Variants in ANO2 observed in about 807,000 individuals in gnomAD.
ANO2 encodes the protein anoctamin 2.
ANO2 carries 101 observed loss-of-function variants against 124.2 expected under a neutral mutation model. That is an observed-to-expected ratio of 0.81 (90% CI 0.69 to 0.96). The LOEUF is 0.96. Ranked by LOEUF, ANO2 falls within the 40% of genes least tolerant of loss-of-function variation. ANO2 has a pLI of 0.00. For synonymous variants in ANO2, 486 were observed against 482.5 expected (o/e 1.01, Z -0.09); for missense variants, 1,293 against 1,274.5 (o/e 1.01, Z -0.22).
chr12:5,844,953 ATT>A (rs5796194), intron 4 of ANO2, among the ~76,000 whole-genome samples: 3,020 of 138,230 alleles, frequency 0.022, 29 homozygotes, highest in Middle Eastern at 0.058. Flanking sequence ...CAACCATGAA[ATT>A]TTTTTTTTTT....
At chr12:5,884,709 C>T (rs1464636692) in intron 3 of ANO2, among the ~76,000 whole-genome samples, 3 of 152,232 alleles carry the variant, frequency 2.0e-5, no homozygotes, top group Non-Finnish European at 4.4e-5. Context: ...TTGTTCAACT[C>T]ATGACCTAGG....
intron 14 of ANO2, among the ~76,000 whole-genome samples, chr12:5,693,413 G>C (rs1021629321): frequency 1.2e-4 from 18 of 152,074 alleles, no homozygotes; most frequent in African/African-American, 4.3e-4. Flanking sequence ...ACCTGAACCT[G>C]TCTCACCATC....
intron 22 of ANO2, 81 bp downstream of exon 22, chr12:5,577,874 G>C: frequency 1.4e-6 from 2 of 1,415,538 alleles, no homozygotes; most frequent in Non-Finnish European, 2.0e-6. Context: ...AGGTGCAAGG[G>C]CTGGCTTCCC....
chr12:5,753,216 T>C (rs1762568897), intron 10 of ANO2, among the ~76,000 whole-genome samples: 1 of 152,136 alleles, frequency 6.6e-6, no homozygotes, highest in South Asian at 2.1e-4. Flanking sequence ...ATTTAAGGGC[T>C]TCAATATTTA....
intron 23 of ANO2, among the ~76,000 whole-genome samples, chr12:5,566,681 C>T (rs1038340720): frequency 3.3e-5 from 5 of 152,192 alleles, no homozygotes; most frequent in Admixed American, 1.3e-4. Flanking sequence ...GAAGGTTTCA[C>T]ATTTCATCTT....
intron 20 of ANO2, among the ~76,000 whole-genome samples, chr12:5,597,500 G>A (rs1393135929): frequency 6.6e-6 from 1 of 152,278 alleles, no homozygotes; most frequent in East Asian, 1.9e-4. Flanking sequence ...TCATTGATGA[G>A]CATTTAGGTG....
Position 5,921,191 on chromosome 12 carries a change from T to C in ANO2, c.383A>G (p.Asn128Ser), listed in dbSNP as rs762033755. 31 of 1,613,774 alleles carry C rather than the reference T, an allele frequency of 1.9e-5. No homozygotes were observed. The highest frequency in any genetic ancestry group is 8.0e-5 in the African/African-American group (6 of 74,914). Residue 128 changes from asparagine to serine, a missense_variant, in exon 3 of 25, where the codon AAT becomes AGT. By Grantham distance (46) the Asn-to-Ser change is conservative (BLOSUM62 1). Coordinates refer to ENST00000682330, the MANE Select transcript of ANO2 (RefSeq NM_001364791.2). ...FPGHSLAIVS[N>S]GETGKEPHAG... ...ATGAGGCTCCTTGCCTGTCTCCCCA[T>C]TGGAGACGATAGCCAGCGAGTGGCC...
intron 20 of ANO2, among the ~76,000 whole-genome samples, chr12:5,585,039 C>T (rs148288245): frequency 0.013 from 2,016 of 152,144 alleles, 26 homozygotes; most frequent in Non-Finnish European, 0.022. Context: ...CCTTGACAGC[C>T]TCACGTGGTG....
chr12:5,790,789 G>A (rs1178177004), intron 10 of ANO2, among the ~76,000 whole-genome samples: 1 of 152,056 alleles, frequency 6.6e-6, no homozygotes, highest in Non-Finnish European at 1.5e-5. Context: ...CCCCTTCTTT[G>A]AGGCTTCAAC....
At chr12:5,877,689 C>G (rs554996191) in intron 3 of ANO2, among the ~76,000 whole-genome samples, 2 of 152,188 alleles carry the variant, frequency 1.3e-5, no homozygotes, top group African/African-American at 2.4e-5. Flanking sequence ...CTTTTTGGCA[C>G]CAGGGACTAG....
rs115749350 is a variant in ANO2, at chr12:5,865,919, G to A, written c.535-11778C>T. On this transcript the variant is annotated intron_variant, in intron 3 of 24. Transcript: ENST00000682330. ...ACGACCAGGGCAATTAACGTCCAAA[G>A]GGACAGGACGACAATGAACGATCAT... Among the ~76,000 whole-genome samples, 791 of 152,318 alleles carry A rather than the reference G, an allele frequency of 5.2e-3. 8 individuals are homozygous for A. Among genetic ancestry groups the A allele is most frequent in the African/African-American group, 0.018 (754 of 41,560 alleles).
chr12:5,727,921 C>T (rs1950506843), intron 14 of ANO2, among the ~76,000 whole-genome samples: 2 of 152,100 alleles, frequency 1.3e-5, no homozygotes, highest in African/African-American at 4.8e-5. Flanking sequence ...ATTCTCCTGC[C>T]TCAGCCTCCC....
At chr12:5,842,082 G>T (rs1019083454) in intron 4 of ANO2, among the ~76,000 whole-genome samples, 1 of 151,968 alleles carries the variant, frequency 6.6e-6, no homozygotes, top group African/African-American at 2.4e-5. Context: ...GTCTTGCTTT[G>T]TTGGCCAGGT....
At chr12:5,945,845 G>T (rs531503622), upstream of ANO2, among the ~76,000 whole-genome samples, 10 of 152,222 alleles carry the variant, frequency 6.6e-5, no homozygotes, top group African/African-American at 1.9e-4. Flanking sequence ...AGGAGGGGCT[G>T]CCAGAGGCAG....
chr12:5,775,610 T>C (rs1952213529), intron 10 of ANO2, among the ~76,000 whole-genome samples: 1 of 152,066 alleles, frequency 6.6e-6, no homozygotes, highest in Admixed American at 6.6e-5. Context: ...TACAGGCGTC[T>C]GCCACCACGC....
intron 3 of ANO2, among the ~76,000 whole-genome samples, chr12:5,914,482 G>C (rs548009836): frequency 3.9e-5 from 6 of 152,306 alleles, no homozygotes; most frequent in Non-Finnish European, 8.8e-5. Context: ...TACCGAGACA[G>C]AGTAGGGCTC....
chr12:5,804,171 A>G (rs1953124367), intron 9 of ANO2, among the ~76,000 whole-genome samples: 1 of 152,264 alleles, frequency 6.6e-6, no homozygotes, highest in African/African-American at 2.4e-5. Flanking sequence ...TAATGAAAAC[A>G]AATAAATATG....
rs1941570332 is a variant in ANO2 at position 5,563,545 on chromosome 12, G to GTTCCAGTCC, written c.2750_2751insGGACTGGAA (p.Val917_Leu918insAspTrpAsn). ...TGTCTGGAATCATCCAGTCCACGAG[G>GTTCCAGTCC]ACGCTCAGGAACATCACGAGGTTCT... On this transcript the variant is annotated inframe_insertion, in exon 25 of 25. Coordinates refer to ENST00000682330, the MANE Select transcript of ANO2 (RefSeq NM_001364791.2). 1.2e-6 allele frequency: 2 copies of GTTCCAGTCC among 1,613,870 alleles called. No individual in the cohort carries two copies. Among genetic ancestry groups the GTTCCAGTCC allele is most frequent in the African/African-American group, 2.7e-5 (2 of 74,930 alleles).
chr12:5,651,187 T>G (rs1946898963), intron 14 of ANO2, among the ~76,000 whole-genome samples: 1 of 152,212 alleles, frequency 6.6e-6, no homozygotes, highest in South Asian at 2.1e-4. Flanking sequence ...TGCTAGCTTC[T>G]TTGTCTCAGC....
Sources: gnomAD v4.1 joint callset for allele counts (sites outside exome capture counted in the v4.1 genomes callset) on GRCh38, gnomAD v4.1.1 for gene constraint, MANE v1.5 for transcripts, NCBI Gene and HGNC (gene_info 2026-07-23, HGNC 2026-07-21) for gene names.